Variants in THRB observed in about 807,000 individuals in gnomAD.
The protein encoded by THRB is thyroid hormone receptor beta.
A neutral mutation model predicts 47.8 loss-of-function variants in THRB; 12 were observed. The ratio of observed to expected loss-of-function variants is 0.25; its 90% CI spans 0.16 to 0.41. The LOEUF is 0.41. Among genes scored for constraint, THRB ranks in the 10% least tolerant of loss-of-function variants. The pLI is 1.00. For missense variants in THRB, 348 were observed against 589.2 expected, an observed-to-expected ratio of 0.59 and a Z score of 4.24; for synonymous variants, 218 against 212.2, an observed-to-expected ratio of 1.03 and a Z score of -0.24.
chr3:24,415,546 G>A (rs900341949), intron 1 of THRB, among the ~76,000 whole-genome samples: 10 of 151,770 alleles, frequency 6.6e-5, no homozygotes, highest in Non-Finnish European at 1.2e-4. Context: ...AAAAGGCATG[G>A]TTGTCAACAC....
intron 1 of THRB, among the ~76,000 whole-genome samples, chr3:24,384,559 C>T (rs2065947738): frequency 1.3e-5 from 2 of 152,184 alleles, no homozygotes; most frequent in African/African-American, 2.4e-5. Flanking sequence ...AGAGGACAGA[C>T]ATCCATAAAA....
chr3:24,370,759 A>G (rs1344064158), intron 1 of THRB, among the ~76,000 whole-genome samples: 2 of 152,114 alleles, frequency 1.3e-5, no homozygotes, highest in Admixed American at 1.3e-4. Flanking sequence ...TGACAAATTC[A>G]GATGGGCACA....
At chr3:24,257,714 G>C (rs1170563288) in intron 3 of THRB, among the ~76,000 whole-genome samples, 7 of 152,216 alleles carry the variant, frequency 4.6e-5, no homozygotes, top group Non-Finnish European at 1.0e-4. Context: ...AAAACAGGCA[G>C]TGGGCACTTT....
intron 3 of THRB, among the ~76,000 whole-genome samples, chr3:24,265,390 A>T (rs1160105519): frequency 6.6e-6 from 1 of 152,230 alleles, no homozygotes; most frequent in Non-Finnish European, 1.5e-5. Flanking sequence ...GAAATGTCTC[A>T]GTGCTTCTCA....
intron 1 of THRB, among the ~76,000 whole-genome samples, chr3:24,423,660 A>G (rs1251534242): frequency 6.6e-6 from 1 of 151,832 alleles, no homozygotes; most frequent in Non-Finnish European, 1.5e-5. Context: ...GTTAGTCCTG[A>G]GCAATTCCAA....
intron 1 of THRB, among the ~76,000 whole-genome samples, chr3:24,387,380 A>T (rs1054713331): frequency 6.6e-6 from 1 of 152,156 alleles, no homozygotes; most frequent in Non-Finnish European, 1.5e-5. Context: ...TTAACACATT[A>T]TAACCTGACC....
intron 3 of THRB, among the ~76,000 whole-genome samples, chr3:24,258,574 T>C (rs1257466830): frequency 1.3e-5 from 2 of 152,176 alleles, no homozygotes; most frequent in Admixed American, 1.3e-4. Context: ...ACTAAAAGCA[T>C]GCAGGTGGGG....
intron 1 of THRB, among the ~76,000 whole-genome samples, chr3:24,459,796 T>G (rs2073534597): frequency 6.6e-6 from 1 of 152,212 alleles, no homozygotes; most frequent in Admixed American, 6.5e-5. Flanking sequence ...TTTGCCTACT[T>G]TTTGATGGTT....
intron 1 of THRB, among the ~76,000 whole-genome samples, chr3:24,463,474 T>C (rs2073872795): frequency 1.3e-5 from 2 of 152,172 alleles, no homozygotes; most frequent in Non-Finnish European, 2.9e-5. Flanking sequence ...CTTCCTGTGT[T>C]GCCCAGGCAG....
intron 3 of THRB, among the ~76,000 whole-genome samples, chr3:24,240,569 C>T (rs2049384079): frequency 6.6e-6 from 1 of 152,122 alleles, no homozygotes; most frequent in East Asian, 1.9e-4. Context: ...AAGAGTTGTA[C>T]GAATACCTCA....
At chr3:24,131,473 TATGAGTC>T (rs1182978195) in intron 9 of THRB, among the ~76,000 whole-genome samples, 1 of 152,126 alleles carries the variant, frequency 6.6e-6, no homozygotes, top group Non-Finnish European at 1.5e-5. Flanking sequence ...AGGGGTGGGG[TATGAGTC>T]ATTGCTACTG....
At chr3:24,401,150 C>A (rs2067365320) in intron 1 of THRB, among the ~76,000 whole-genome samples, 2 of 152,132 alleles carry the variant, frequency 1.3e-5, no homozygotes, top group South Asian at 4.2e-4. Context: ...CTTCAGTTTA[C>A]ACCTGGCCTC....
intron 1 of THRB, among the ~76,000 whole-genome samples, chr3:24,481,379 T>G (rs1216361055): frequency 6.6e-6 from 1 of 151,936 alleles, no homozygotes; most frequent in African/African-American, 2.4e-5. Context: ...GTTGCTCATT[T>G]TAAAATTAGA....
intron 1 of THRB, among the ~76,000 whole-genome samples, chr3:24,475,548 T>TAG (rs1439702857): frequency 1.1e-3 from 164 of 151,928 alleles, no homozygotes; most frequent in African/African-American, 3.8e-3. Context: ...GATAGATAGA[T>TAG]ATAGATAGAT....
At chr3:24,255,039 A>G (rs976057641) in intron 3 of THRB, among the ~76,000 whole-genome samples, 1 of 152,154 alleles carries the variant, frequency 6.6e-6, no homozygotes, top group Non-Finnish European at 1.5e-5. Context: ...TGTCCTTGGG[A>G]AGAATGGAAA....
intron 1 of THRB, among the ~76,000 whole-genome samples, chr3:24,357,560 C>T (rs1258715112): frequency 6.6e-6 from 1 of 152,058 alleles, no homozygotes; most frequent in Admixed American, 6.5e-5. Context: ...CATACACATA[C>T]ATATATACCT....
intron 8 of THRB, 99 bp downstream of exon 8, chr3:24,143,402 A>ATAG: frequency 1.7e-6 from 2 of 1,174,022 alleles, no homozygotes; most frequent in Non-Finnish European, 2.5e-6. Context: ...CAGTAAAATG[A>ATAG]GGCAATAACA....
At chr3:24,436,470 T>C (rs2070966144) in intron 1 of THRB, among the ~76,000 whole-genome samples, 1 of 152,010 alleles carries the variant, frequency 6.6e-6, no homozygotes, top group Non-Finnish European at 1.5e-5. Flanking sequence ...ATATAGATAG[T>C]ATGCACACAC....
At chr3:24,205,103 C>T (rs1405306989) in intron 4 of THRB, among the ~76,000 whole-genome samples, 1 of 152,164 alleles carries the variant, frequency 6.6e-6, no homozygotes. Flanking sequence ...AGGAGAACTT[C>T]CCCAACCTAG....
Sources: gnomAD v4.1 joint callset for allele counts (sites outside exome capture counted in the v4.1 genomes callset) on GRCh38, gnomAD v4.1.1 for gene constraint, MANE v1.5 for transcripts, NCBI Gene and HGNC (gene_info 2026-07-23, HGNC 2026-07-21) for gene names.